GRB14: variants seen among roughly 807,000 people sequenced by gnomAD.
GRB14 encodes growth factor receptor bound protein 14.
In GRB14, 38 loss-of-function variants were observed where a neutral mutation model predicts 69.1. The ratio of observed to expected loss-of-function variants is 0.55; its 90% CI spans 0.42 to 0.72. GRB14 has a LOEUF of 0.72. GRB14 is among the 30% of genes least tolerant of loss of function. The pLI, the probability that GRB14 is intolerant of heterozygous loss-of-function variation, is 0.00. For synonymous variants in GRB14, 247 were observed against 241.3 expected (o/e 1.02, Z -0.22); for missense variants, 666 against 666.1 (o/e 1.00, Z 0.00).
intron 3 of GRB14, among the ~76,000 whole-genome samples, 185 bp from the exon 4 acceptor site, chr2:164,527,320 T>C (rs1687809041): frequency 6.6e-6 from 1 of 150,864 alleles, no homozygotes; most frequent in South Asian, 2.1e-4. Context: ...TGATAAAATT[T>C]GTCATCAATT....
chr2:164,525,472 C>T (rs1687747496), intron 4 of GRB14, among the ~76,000 whole-genome samples: 1 of 152,052 alleles, frequency 6.6e-6, no homozygotes, highest in Admixed American at 6.6e-5. Flanking sequence ...AGGGTATGCC[C>T]AAGGTCATAG....
chr2:164,513,839 GAAT>G (rs1206437207), intron 6 of GRB14, among the ~76,000 whole-genome samples: 1 of 152,146 alleles, frequency 6.6e-6, no homozygotes, highest in African/African-American at 2.4e-5. Context: ...CATGAAAATA[GAAT>G]AATAATAACC....
At chr2:164,608,897 T>C (rs1434968497) in intron 2 of GRB14, among the ~76,000 whole-genome samples, 1 of 152,174 alleles carries the variant, frequency 6.6e-6, no homozygotes, top group Non-Finnish European at 1.5e-5. Context: ...TATTAAAATA[T>C]TTTATGATAA....
At chr2:164,495,082 C>G (rs1007946173) in intron 12 of GRB14, among the ~76,000 whole-genome samples, 1 of 152,100 alleles carries the variant, frequency 6.6e-6, no homozygotes, top group Non-Finnish European at 1.5e-5. Flanking sequence ...ATTGGGACTA[C>G]AGGCACATGC....
chr2:164,562,710 C>T lies in GRB14; in HGVS notation c.325-14894G>A, dbSNP rs545233108. The stretch of plus-strand genomic sequence containing the variant: ...TTCTAAATATTTATTCTGTTGAATC[C>T]TCACAACTGTTCTGTGAGGAAGCAT... On this transcript the variant is annotated intron_variant, in intron 2 of 13. Coordinates refer to ENST00000263915, the MANE Select transcript of GRB14 (RefSeq NM_004490.3). 3.9e-5 allele frequency among the ~76,000 whole-genome samples: 6 copies of T among 152,244 alleles called. No individual in the cohort carries two copies. In the South Asian group the frequency reaches 1.2e-3, roughly 32 times the overall value.
intron 2 of GRB14, among the ~76,000 whole-genome samples, chr2:164,614,337 T>C (rs1275785397): frequency 6.6e-6 from 1 of 152,182 alleles, no homozygotes; most frequent in Non-Finnish European, 1.5e-5. Context: ...CTAAATACAA[T>C]TTATGATGTT....
intron 2 of GRB14, among the ~76,000 whole-genome samples, chr2:164,617,963 G>A (rs866284889): frequency 7.8e-6 from 1 of 127,500 alleles, no homozygotes; most frequent in South Asian, 2.9e-4. Context: ...TTTTTTTGGG[G>A]GGGGGGGGGT....
chr2:164,561,337 AATT>A (rs1421563886), intron 2 of GRB14, among the ~76,000 whole-genome samples: 1 of 152,170 alleles, frequency 6.6e-6, no homozygotes, highest in African/African-American at 2.4e-5. Context: ...TAATGTTAGC[AATT>A]ATTATTATAA....
At chr2:164,506,505 G>A (rs893588308) in intron 8 of GRB14, among the ~76,000 whole-genome samples, 3 of 152,258 alleles carry the variant, frequency 2.0e-5, no homozygotes, top group African/African-American at 7.2e-5. Flanking sequence ...TGCATTACTG[G>A]TAGGAATGCA....
intron 2 of GRB14, among the ~76,000 whole-genome samples, chr2:164,598,131 G>A (rs1689828930): frequency 6.6e-6 from 1 of 152,018 alleles, no homozygotes. Flanking sequence ...AAGATATACG[G>A]TGCTATCCTC....
intron 2 of GRB14, among the ~76,000 whole-genome samples, chr2:164,584,181 T>C (rs1455798689): frequency 7.0e-6 from 1 of 143,878 alleles, no homozygotes; most frequent in Non-Finnish European, 1.5e-5. Context: ...TTTTTTTGTA[T>C]TTTAGTAGAG....
intron 8 of GRB14, among the ~76,000 whole-genome samples, chr2:164,506,430 A>T (rs1411156164): frequency 6.6e-6 from 1 of 152,218 alleles, no homozygotes; most frequent in Non-Finnish European, 1.5e-5. Context: ...ATAATTGACA[A>T]GAACAAGAAC....
intron 2 of GRB14, among the ~76,000 whole-genome samples, chr2:164,559,322 G>A (rs1688761522): frequency 1.3e-5 from 2 of 151,084 alleles, no homozygotes; most frequent in South Asian, 4.2e-4. Flanking sequence ...TGAGTTATTG[G>A]GGTACAGGTG....
At chr2:164,519,813 G>T (rs1166875113) in intron 6 of GRB14, among the ~76,000 whole-genome samples, 2 of 151,992 alleles carry the variant, frequency 1.3e-5, no homozygotes, top group Non-Finnish European at 2.9e-5. Context: ...CCAAGAAGGT[G>T]AAAGAACTCT....
At chr2:164,544,421 C>T (rs544998816) in intron 3 of GRB14, among the ~76,000 whole-genome samples, 11 of 151,734 alleles carry the variant, frequency 7.2e-5, no homozygotes, top group Non-Finnish European at 1.2e-4. Flanking sequence ...AATTTAAGTC[C>T]CCCCGAAAGA....
intron 2 of GRB14, among the ~76,000 whole-genome samples, chr2:164,612,789 A>G (rs1261774589): frequency 6.6e-6 from 1 of 152,198 alleles, no homozygotes; most frequent in East Asian, 1.9e-4. Flanking sequence ...ACAAACCAGA[A>G]GCTGAGATTT....
intron 2 of GRB14, among the ~76,000 whole-genome samples, chr2:164,599,082 A>G (rs1689856132): frequency 6.6e-6 from 1 of 152,150 alleles, no homozygotes; most frequent in Non-Finnish European, 1.5e-5. Flanking sequence ...AGACCATCCA[A>G]CCTTGCTTTA....
Position 164,547,669 on chromosome 2 carries a change from T to C in GRB14, c.472A>G (p.Ile158Val). ...SWTLFEHLPHIGVERTIEDHE... is the reference protein window; with the variant it reads ...SWTLFEHLPHVGVERTIEDHE... ...AACTCCGTATCCTTACCTACACCTA[T>C]GTGAGGCAGGTGCTCAAAAAGGGTC... The change falls in exon 3 of 14, where the codon ATA (isoleucine) becomes GTA (valine). Residue 158 changes from isoleucine (I) to valine (V), a missense_variant. Physicochemically the swap from Ile to Val is conservative, Grantham distance 29. Coordinates refer to ENST00000263915, the MANE Select transcript of GRB14 (RefSeq NM_004490.3). 1 of 1,613,372 alleles carries C rather than the reference T, an allele frequency of 6.2e-7. No individual in the cohort carries two copies. Among genetic ancestry groups the C allele is most frequent in the Non-Finnish European group, 8.5e-7 (1 of 1,179,472 alleles).
intron 3 of GRB14, among the ~76,000 whole-genome samples, chr2:164,539,200 C>T (rs535027600): frequency 1.1e-3 from 173 of 152,216 alleles, no homozygotes; most frequent in African/African-American, 3.9e-3. Flanking sequence ...AACGGTCGGG[C>T]GTGGTGGCTC....
Sources: gnomAD v4.1 joint callset for allele counts (sites outside exome capture counted in the v4.1 genomes callset) on GRCh38, gnomAD v4.1.1 for gene constraint, MANE v1.5 for transcripts, NCBI Gene and HGNC (gene_info 2026-07-23, HGNC 2026-07-21) for gene names.